COL12A1: variants seen among roughly 807,000 people sequenced by gnomAD.
COL12A1 encodes collagen alpha-1(XII) chain.
Under a neutral mutation model 349.7 loss-of-function variants are expected in COL12A1, and 114 were observed. That is an observed-to-expected ratio of 0.33 (90% CI 0.28 to 0.38). The LOEUF (loss-of-function observed/expected upper bound fraction) is 0.38. COL12A1 is among the 10% of genes least tolerant of loss of function. COL12A1 has a pLI of 1.00. For missense variants in COL12A1, 3,284 were observed against 3,756.9 expected (o/e 0.87, Z 3.29); for synonymous variants, 1,369 against 1,329.0 (o/e 1.03, Z -0.66).
Position 75,189,723 on chromosome 6 carries a change from T to C in COL12A1, c.487A>G (p.Ile163Val). 1 of 1,613,386 alleles carries C rather than the reference T, an allele frequency of 6.2e-7. No homozygotes were observed. Among genetic ancestry groups the C allele is most frequent in the Non-Finnish European group, 8.5e-7 (1 of 1,179,466 alleles). Residue 163 changes from isoleucine to valine, a missense_variant, in exon 6 of 66, where the codon ATT (isoleucine) becomes GTT (valine). Coordinates refer to ENST00000322507, the MANE Select transcript of COL12A1 (RefSeq NM_004370.6). ...RNNFKYILDF[I>V]AALVSAFDIG... The stretch of plus-strand genomic sequence containing the variant: ...TCAAAAGCAGACACAAGAGCAGCAA[T>C]GAAGTCTAAAATGTACTTGAAATTA...
At chr6:75,146,799 T>C (rs1291406171) in intron 23 of COL12A1, among the ~76,000 whole-genome samples, 1 of 152,202 alleles carries the variant, frequency 6.6e-6, no homozygotes, top group Non-Finnish European at 1.5e-5. Context: ...AAGATTGAGT[T>C]CAAAGTTTTA....
intron 28 of COL12A1, 87 bp from the exon 29 acceptor site, chr6:75,138,667 T>C: frequency 1.9e-6 from 3 of 1,572,234 alleles, no homozygotes; most frequent in Non-Finnish European, 2.6e-6. Flanking sequence ...ATTCACATTA[T>C]TTAGCCAGAT....
rs187458211 is a variant in COL12A1, at chr6:75,135,163, C to T, written c.5395-308G>A. Among the ~76,000 whole-genome samples the T allele has an allele frequency of 1.5e-3, 220 of 149,170 alleles. 1 individual carries two copies. Among genetic ancestry groups the T allele is most frequent in the Admixed American group, 4.3e-3 (65 of 14,966 alleles). Reference sequence around the variant, plus strand: ...CAGAACTCTTCAAAAAAAAAGGGGGCGGGGGGGACTAATCATAAGTGAGCT... The same window carrying T: ...CAGAACTCTTCAAAAAAAAAGGGGGTGGGGGGGACTAATCATAAGTGAGCT... On this transcript the variant is annotated intron_variant, in intron 31 of 65. Transcript: ENST00000322507.
chr6:75,108,864 G>A (rs1768692508), intron 52 of COL12A1, among the ~76,000 whole-genome samples, 154 bp downstream of exon 52: 1 of 152,058 alleles, frequency 6.6e-6, no homozygotes, highest in African/African-American at 2.4e-5. Flanking sequence ...TTTTCTCAAT[G>A]TACTTCTTCC....
chr6:75,130,855 T>A lies in COL12A1; in HGVS notation c.6064A>T (p.Thr2022Ser), dbSNP rs780638272. Reference sequence around the variant, plus strand: ...GGAGAAAGGATTTCTGCCTCACGCGTTCGGCCCTGGGCAGGGCTGGGATTT... The same window carrying A: ...GGAGAAAGGATTTCTGCCTCACGCGATCGGCCCTGGGCAGGGCTGGGATTT... ...EGNPSPAQGRTLPRSGPRNLR... is the reference protein window; with the variant it reads ...EGNPSPAQGRSLPRSGPRNLR... Residue 2022 changes from threonine to serine, a missense_variant, in exon 36 of 66, where the codon ACG becomes TCG. By Grantham distance (58) the Thr-to-Ser change is moderately conservative. Coordinates refer to ENST00000322507, the MANE Select transcript of COL12A1 (RefSeq NM_004370.6). 3.7e-6 allele frequency: 6 copies of A among 1,613,982 alleles called. No individual in the cohort carries two copies. The highest frequency in any genetic ancestry group is 4.2e-6 in the Non-Finnish European group (5 of 1,179,930).
intron 15 of COL12A1, 110 bp downstream of exon 15, chr6:75,156,147 A>T: frequency 7.6e-7 from 1 of 1,314,890 alleles, no homozygotes; most frequent in African/African-American, 1.5e-5. Flanking sequence ...ATTATAATTT[A>T]ACTTATTACG....
chr6:75,195,685 G>A (rs1770190100), intron 2 of COL12A1, among the ~76,000 whole-genome samples: 1 of 152,214 alleles, frequency 6.6e-6, no homozygotes, highest in South Asian at 2.1e-4. Context: ...TATTCTGCCT[G>A]TTTACACCAG....
intron 16 of COL12A1, among the ~76,000 whole-genome samples, chr6:75,154,965 T>A (rs1767680275): frequency 6.6e-6 from 1 of 152,184 alleles, no homozygotes; most frequent in Non-Finnish European, 1.5e-5. Context: ...CATAGTAAGC[T>A]CAATAAATTT....
At chr6:75,107,179 A>G (rs1409831843) in intron 52 of COL12A1, among the ~76,000 whole-genome samples, 5 of 152,068 alleles carry the variant, frequency 3.3e-5, no homozygotes, top group African/African-American at 1.2e-4. Context: ...GGCGTGAGCC[A>G]TGGTGCCCAG....
intron 3 of COL12A1, among the ~76,000 whole-genome samples, chr6:75,193,944 T>A (rs144664993): frequency 6.6e-6 from 1 of 152,210 alleles, no homozygotes; most frequent in Admixed American, 6.5e-5. Flanking sequence ...CCATGGCATA[T>A]ATGTGCCACA....
intron 14 of COL12A1, among the ~76,000 whole-genome samples, chr6:75,164,637 G>A (rs1360019550): frequency 1.3e-5 from 2 of 152,150 alleles, no homozygotes; most frequent in African/African-American, 2.4e-5. Context: ...AATTTCCCAT[G>A]TACCTTTTCC....
chr6:75,192,360 A>G lies in COL12A1; in HGVS notation c.191-5T>C, dbSNP rs1378625597. ...TAAATTCTTTAGTAGGCCCATCTGG[A>G]AATATAAAAAGGAAAAATATGAATG... On this transcript the variant is annotated splice_polypyrimidine_tract_variant and splice_region_variant and intron_variant, in intron 3 of 65. Transcript: ENST00000322507. 1.2e-6 allele frequency: 2 copies of G among 1,609,748 alleles called. No homozygotes were observed. The highest frequency in any genetic ancestry group is 2.2e-5 in the East Asian group (1 of 44,650).
chr6:75,105,068 G>A, intron 54 of COL12A1, 138 bp downstream of exon 54: 1 of 582,324 alleles, frequency 1.7e-6, no homozygotes, highest in Non-Finnish European at 3.0e-6. Context: ...ATACTAAAAA[G>A]ATGGTCTGCA....
chr6:75,091,604 G>A (rs915963855), intron 60 of COL12A1, 79 bp from the exon 61 acceptor site: 14 of 1,360,614 alleles, frequency 1.0e-5, no homozygotes, highest in East Asian at 2.3e-5. Flanking sequence ...AATGATGAAC[G>A]AGAACAAGTT....
In COL12A1 at chr6:75,184,011, C is replaced by T; in HGVS notation, c.1131G>A (p.Gln377=). ...ILTPMTAGSR[Q]HALSVGPQTT... ...TCTGAGGCCCCACACTCAGAGCGTG[C>T]TGTCGGCTTCCTGCAGTCATTGGTG... Residue 377 remains glutamine, a synonymous_variant, in exon 9 of 66, where the codon CAG becomes CAA. Transcript: ENST00000322507. 6.2e-7 allele frequency: 1 copy of T among 1,614,168 alleles called. No homozygotes were observed. Among genetic ancestry groups the T allele is most frequent in the Non-Finnish European group, 8.5e-7 (1 of 1,180,032 alleles).
At position 75,183,195 on chromosome 6, in the gene COL12A1, T is replaced by G; in HGVS notation, c.1746A>C (p.Ser582=). The G allele has an allele frequency of 6.2e-7, 1 of 1,614,198 alleles. No individual in the cohort carries two copies. Among genetic ancestry groups the G allele is most frequent in the Non-Finnish European group, 8.5e-7 (1 of 1,180,036 alleles). The part of the protein sequence containing the change: ...FAVGVKDAVR[S]ELEAIASPPA... ...GAGGAGAGGCAATAGCTTCCAATTCTGAGCGAACGGCATCCTTCACACCAA... is the reference window on the plus strand; with the variant it reads ...GAGGAGAGGCAATAGCTTCCAATTCGGAGCGAACGGCATCCTTCACACCAA... The change falls in exon 10 of 66, where the codon TCA becomes TCC. Residue 582 remains serine, a synonymous_variant. Coordinates refer to ENST00000322507, the MANE Select transcript of COL12A1 (RefSeq NM_004370.6).
At chr6:75,109,625 G>A (rs186158115) in intron 51 of COL12A1, among the ~76,000 whole-genome samples, 9 of 152,088 alleles carry the variant, frequency 5.9e-5, no homozygotes, top group Non-Finnish European at 1.3e-4. Context: ...GAAATAATCT[G>A]CATACCATAT....
At position 75,121,876 on chromosome 6, in the gene COL12A1, T is replaced by TA. The variant is rs1431335893; in HGVS notation, c.6947-436dup. On this transcript the variant is annotated intron_variant, in intron 43 of 65. Coordinates refer to ENST00000322507, the MANE Select transcript of COL12A1 (RefSeq NM_004370.6). ...ATAAGTCCTTTTTTTTTTTTTTTTT[T>TA]AGACAGGGTCTTGCTCTGTCTTCAG... Among the ~76,000 whole-genome samples, 28 of 151,350 alleles carry TA rather than the reference T, an allele frequency of 1.9e-4. No homozygotes were observed. The East Asian group carries it at 5.5e-3, about 30-fold the overall frequency.
chr6:75,148,822 C>A (rs1016214308), intron 21 of COL12A1, among the ~76,000 whole-genome samples: 5 of 152,080 alleles, frequency 3.3e-5, no homozygotes, highest in African/African-American at 1.2e-4. Flanking sequence ...TTGCTGTGTC[C>A]CCACCTGAAT....
Sources: allele counts gnomAD v4.1 joint callset (sites outside exome capture counted in the v4.1 genomes callset), GRCh38; gene constraint gnomAD v4.1.1; transcripts MANE v1.5; gene names NCBI Gene and HGNC (gene_info 2026-07-23, HGNC 2026-07-21).